ITGA8: variants seen among roughly 807,000 people sequenced by gnomAD.
ITGA8 encodes the protein integrin subunit alpha 8, also known as integrin alpha-8.
ITGA8 carries 91 observed loss-of-function variants against 142.3 expected under a neutral mutation model. That is an observed-to-expected ratio of 0.64 (90% CI 0.54 to 0.76). ITGA8 has a LOEUF of 0.76. ITGA8 is among the 30% of genes least tolerant of loss of function. The pLI, the probability that ITGA8 is intolerant of heterozygous loss-of-function variation, is 0.00. For synonymous variants in ITGA8, 505 were observed against 485.2 expected (o/e 1.04, Z -0.54); for missense variants, 1,406 against 1,327.7 (o/e 1.06, Z -0.92).
Position 15,517,064 on chromosome 10 carries a change from G to C in ITGA8, c.*94C>G. Reference sequence around the variant, plus strand: ...CCTCCATTTCCTGGGTCACTGTCAGGTATCAGAAAGCTTTGATTTTTAACC... The same window carrying C: ...CCTCCATTTCCTGGGTCACTGTCAGCTATCAGAAAGCTTTGATTTTTAACC... On this transcript the variant is annotated 3_prime_UTR_variant, in exon 30 of 30. Coordinates refer to ENST00000378076, the MANE Select transcript of ITGA8 (RefSeq NM_003638.3). 1 of 819,736 alleles carries C rather than the reference G, an allele frequency of 1.2e-6. No individual in the cohort carries two copies. The highest frequency in any genetic ancestry group is 1.8e-5 in the South Asian group (1 of 56,532). 50.8% of individuals were successfully genotyped at this position (819,736 alleles called of 1,614,324 possible). A position where few individuals can be genotyped will look rare whatever the true frequency, so the allele number is the denominator to read the frequency against.
At chr10:15,629,574 T>C (rs771805844) in intron 13 of ITGA8, among the ~76,000 whole-genome samples, 8 of 152,086 alleles carry the variant, frequency 5.3e-5, no homozygotes, top group Non-Finnish European at 1.2e-4. Flanking sequence ...TCCTCTTAAA[T>C]GAAAATTGTG....
intron 22 of ITGA8, 121 bp from the exon 23 acceptor site, chr10:15,586,785 A>T (rs1228709079): frequency 5.1e-6 from 3 of 591,278 alleles, no homozygotes; most frequent in African/African-American, 3.7e-5. Context: ...ATCATTCAGG[A>T]TACAAGTGTA....
At chr10:15,562,593 T>C (rs535010808) in intron 25 of ITGA8, among the ~76,000 whole-genome samples, 1 of 152,100 alleles carries the variant, frequency 6.6e-6, no homozygotes, top group Non-Finnish European at 1.5e-5. Context: ...GAAGAAAAAT[T>C]TTCTTGAAGA....
intron 2 of ITGA8, among the ~76,000 whole-genome samples, chr10:15,695,358 T>C (rs899266608): frequency 3.3e-5 from 5 of 152,214 alleles, no homozygotes; most frequent in Non-Finnish European, 7.3e-5. Context: ...TGTTTTATTA[T>C]TTCAATAAAT....
At chr10:15,605,002 C>T (rs1833169118) in intron 19 of ITGA8, among the ~76,000 whole-genome samples, 1 of 152,094 alleles carries the variant, frequency 6.6e-6, no homozygotes, top group Non-Finnish European at 1.5e-5. Context: ...AAAGCGATTG[C>T]ATTTGAAGTT....
chr10:15,691,120 T>A (rs981019153), intron 2 of ITGA8, among the ~76,000 whole-genome samples: 1 of 152,170 alleles, frequency 6.6e-6, no homozygotes, highest in Non-Finnish European at 1.5e-5. Flanking sequence ...ATCAGGGATA[T>A]GCAAATTAAA....
Position 15,606,396 on chromosome 10 carries a change from T to C in ITGA8, c.1791A>G (p.Leu597=), listed in dbSNP as rs906228158. ...AATTCAAACTAATGTTGATTGGAGATAATTTATCTCGGAATTCAGTTTCAT... is the reference window on the plus strand; with the variant it reads ...AATTCAAACTAATGTTGATTGGAGACAATTTATCTCGGAATTCAGTTTCAT... ...LRDETEFRDK[L]SPINISLNYS... is the part of the protein sequence containing the mutation. Residue 597 remains leucine (L), a synonymous_variant, in exon 18 of 30, where the codon TTA becomes TTG. Coordinates refer to ENST00000378076, the MANE Select transcript of ITGA8 (RefSeq NM_003638.3). The C allele has an allele frequency of 1.2e-6, 2 of 1,601,698 alleles. No homozygotes were observed. Among genetic ancestry groups the C allele is most frequent in the African/African-American group, 2.7e-5 (2 of 74,756 alleles).
intron 2 of ITGA8, among the ~76,000 whole-genome samples, chr10:15,702,585 G>A (rs576084820): frequency 3.3e-5 from 5 of 152,182 alleles, no homozygotes; most frequent in South Asian, 4.1e-4. Context: ...GCCACCGCGC[G>A]TGGCCCACGT....
In ITGA8 at chr10:15,572,382, G is replaced by C. The variant is rs202122931; in HGVS notation, c.2479-13C>G. 5 of 1,612,686 alleles carry C rather than the reference G, an allele frequency of 3.1e-6. No individual in the cohort carries two copies. The highest frequency in any genetic ancestry group is 4.2e-6 in the Non-Finnish European group (5 of 1,179,204). On this transcript the variant is annotated splice_polypyrimidine_tract_variant and intron_variant, in intron 24 of 29. Coordinates refer to ENST00000378076, the MANE Select transcript of ITGA8 (RefSeq NM_003638.3). ...CAATATTGTGCAGCTGTAAACAAGTGACATGTTATCTAATGACCCAGCAGA... is the reference window on the plus strand; with the variant it reads ...CAATATTGTGCAGCTGTAAACAAGTCACATGTTATCTAATGACCCAGCAGA...
At chr10:15,589,073 C>A (rs1388811584) in intron 22 of ITGA8, among the ~76,000 whole-genome samples, 1 of 152,220 alleles carries the variant, frequency 6.6e-6, no homozygotes, top group African/African-American at 2.4e-5. Flanking sequence ...AACAAGCCAT[C>A]CATCACCGCC....
In ITGA8 at chr10:15,542,026, C is replaced by T. The variant is rs898937702; in HGVS notation, c.2880+6429G>A. ...GTGTTTATTCAAACCTGTAACATCA[C>T]ACTTAGGGAAAAATAGATTCCTGAT... On this transcript the variant is annotated intron_variant, in intron 27 of 29. Transcript: ENST00000378076. Among the ~76,000 whole-genome samples, 5 of 152,076 alleles carry T rather than the reference C, an allele frequency of 3.3e-5. 1 individual carries two copies. The highest frequency in any genetic ancestry group is 3.3e-4 in the Admixed American group (5 of 15,264).
Position 15,655,334 on chromosome 10 carries a change from A to G in ITGA8, c.1001+20T>C. On this transcript the variant is annotated intron_variant, in intron 11 of 29. Coordinates refer to ENST00000378076, the MANE Select transcript of ITGA8 (RefSeq NM_003638.3). ...GGATGAATGTAATATATTGTATATG[A>G]GAGAGGTCTATAAACTTACCCATCA... 1.4e-6 allele frequency: 2 copies of G among 1,476,246 alleles called. No individual in the cohort carries two copies. Among genetic ancestry groups the G allele is most frequent in the Non-Finnish European group, 1.9e-6 (2 of 1,056,042 alleles). The allele number at this position is 1,476,246 out of a possible 1,614,324, so 91.4% of individuals were successfully genotyped here. A position where few individuals can be genotyped will look rare whatever the true frequency, so the allele number is the denominator to read the frequency against.
At chr10:15,665,698 G>T (rs1035968170) in intron 8 of ITGA8, among the ~76,000 whole-genome samples, 1 of 152,182 alleles carries the variant, frequency 6.6e-6, no homozygotes, top group South Asian at 2.1e-4. Flanking sequence ...TTTGTATAAG[G>T]TATAAGGAAG....
intron 7 of ITGA8, among the ~76,000 whole-genome samples, chr10:15,671,926 A>G (rs2131686459): frequency 6.6e-6 from 1 of 151,494 alleles, no homozygotes; most frequent in East Asian, 1.9e-4. Context: ...GGTCAATTTT[A>G]AAAGCATGGA....
intron 25 of ITGA8, among the ~76,000 whole-genome samples, chr10:15,568,991 A>G (rs1038187324): frequency 6.6e-5 from 10 of 152,162 alleles, no homozygotes; most frequent in Non-Finnish European, 8.8e-5. Context: ...TGTGACCTCT[A>G]AAATGCTTCT....
intron 2 of ITGA8, among the ~76,000 whole-genome samples, chr10:15,694,168 A>G (rs1834987341): frequency 7.0e-6 from 1 of 143,180 alleles, no homozygotes; most frequent in South Asian, 2.1e-4. Context: ...AATATATCAT[A>G]TATCAGATAA....
Position 15,677,623 on chromosome 10 carries a change from A to G in ITGA8, c.645T>C (p.Ile215=). ...AGTAGAAACTCCCAGGTCCTCCCAC[A>G]ATAAGGTCTCCATTCTACAAAACAG... is the stretch of plus-strand genomic sequence containing the variant. ...SLDFYKNGDL[I]VGGPGSFYWQ... Residue 215 remains isoleucine, a synonymous_variant, in exon 6 of 30, where the codon ATT becomes ATC. Coordinates refer to ENST00000378076, the MANE Select transcript of ITGA8 (RefSeq NM_003638.3). The G allele has an allele frequency of 6.2e-7, 1 of 1,613,560 alleles. No homozygotes were observed. Among genetic ancestry groups the G allele is most frequent in the Non-Finnish European group, 8.5e-7 (1 of 1,179,754 alleles).
At chr10:15,566,304 T>C (rs1834079222) in intron 25 of ITGA8, among the ~76,000 whole-genome samples, 1 of 152,230 alleles carries the variant, frequency 6.6e-6, no homozygotes, top group Admixed American at 6.5e-5. Flanking sequence ...CTTTCTCTCA[T>C]GTTAAGCCCT....
intron 25 of ITGA8, among the ~76,000 whole-genome samples, chr10:15,570,205 T>G (rs2131579658): frequency 6.6e-6 from 1 of 152,344 alleles, no homozygotes; most frequent in African/African-American, 2.4e-5. Context: ...TATTTAAATC[T>G]TATATTCAAT....
Sources: allele counts gnomAD v4.1 joint callset (sites outside exome capture counted in the v4.1 genomes callset), GRCh38; gene constraint gnomAD v4.1.1; transcripts MANE v1.5; gene names NCBI Gene and HGNC (gene_info 2026-07-23, HGNC 2026-07-21).